The following LAMB4 variants were observed in gnomAD, a reference collection of about 807,000 sequenced individuals.
LAMB4 encodes laminin subunit beta-4.
Under a neutral mutation model 199.2 loss-of-function variants are expected in LAMB4, and 196 were observed. That is an observed-to-expected ratio of 0.98 (90% confidence interval 0.88 to 1.11). The LOEUF is 1.11. Among genes scored for constraint, LAMB4 ranks in the 50% least tolerant of loss-of-function variants. The probability of loss-of-function intolerance (pLI) is 0.00; values close to 1 mark genes in which losing one functional copy is unlikely to be tolerated. For missense variants in LAMB4, 2,080 were observed against 2,171.2 expected, an observed-to-expected ratio of 0.96 and a Z score of 0.83; for synonymous variants, 744 against 770.6, an observed-to-expected ratio of 0.97 and a Z score of 0.57.
downstream of LAMB4, among the ~76,000 whole-genome samples, chr7:108,023,315 T>C (rs934710248): frequency 2.0e-5 from 3 of 152,086 alleles, no homozygotes; most frequent in East Asian, 3.8e-4. Flanking sequence ...ATAGTTAGTA[T>C]GAAATCAGAC....
Position 108,026,374 on chromosome 7 carries a change from T to C in LAMB4, c.5147-2196A>G, listed in dbSNP as rs188770007. Among the ~76,000 whole-genome samples the C allele has an allele frequency of 3.3e-5, 5 of 152,312 alleles. No homozygotes were observed. The East Asian group carries it at 9.7e-4, about 29-fold the overall frequency. ...AACCTTTCATCCTCTCTTCTCACTC[T>C]TGTGGTGCCCTGAAACAACCAAGCT... On this transcript the variant is annotated intron_variant, in intron 33 of 33. Transcript: ENST00000388781.
At chr7:108,048,207 C>T in intron 27 of LAMB4, 96 bp from the exon 28 acceptor site, 1 of 1,028,914 alleles carries the variant, frequency 9.7e-7, no homozygotes, top group Non-Finnish European at 1.4e-6. Flanking sequence ...TCTTGTTGCC[C>T]AGGCTGGAGA....
At chr7:108,079,023 T>A (rs755957162) in intron 15 of LAMB4, among the ~76,000 whole-genome samples, 2 of 152,220 alleles carry the variant, frequency 1.3e-5, no homozygotes, top group Non-Finnish European at 2.9e-5. Context: ...TCAAAGGAGA[T>A]GTTCAGTGGG....
At chr7:108,052,382 G>A (rs930559630) in intron 25 of LAMB4, 125 bp from the exon 26 acceptor site, 34 of 645,638 alleles carry the variant, frequency 5.3e-5, no homozygotes, top group African/African-American at 4.4e-4. Flanking sequence ...CCTTCTACTC[G>A]AGTTTTTCAT....
rs755775078 is a variant in LAMB4, at chr7:108,098,484, C to CT, written c.1278dup (p.Glu427ArgfsTer32). The CT allele has an allele frequency of 2.5e-6, 4 of 1,607,678 alleles. No homozygotes were observed. The highest frequency in any genetic ancestry group is 3.4e-6 in the Non-Finnish European group (4 of 1,177,318). On this transcript the variant is annotated frameshift_variant, in exon 11 of 34. Transcript: ENST00000388781. LOFTEE classifies it high-confidence loss of function. ...TCGCATTTGGCTCCTTCCACGTTCT[C>CT]TTTACAAAGGCACTGGCCGGCCACA...
chr7:108,024,332 G>C (rs892280401), intron 33 of LAMB4, among the ~76,000 whole-genome samples, 154 bp from the exon 34 acceptor site: 1 of 152,034 alleles, frequency 6.6e-6, no homozygotes, highest in African/African-American at 2.4e-5. Context: ...TTTTCATCAG[G>C]CTTCTCAAGG....
chr7:108,028,437 AC>A (rs1360413151), intron 33 of LAMB4, among the ~76,000 whole-genome samples: 14 of 143,816 alleles, frequency 9.7e-5, no homozygotes, highest in African/African-American at 3.6e-4. Flanking sequence ...CAGACATCTC[AC>A]CCCCCGTTGA....
At chr7:108,032,560 G>A (rs2035076164) in intron 31 of LAMB4, among the ~76,000 whole-genome samples, 3 of 152,042 alleles carry the variant, frequency 2.0e-5, no homozygotes, top group African/African-American at 7.2e-5. Flanking sequence ...TGATACCAGG[G>A]TTTTGAGGGC....
intron 1 of LAMB4, among the ~76,000 whole-genome samples, chr7:108,127,124 A>C (rs2038817849): frequency 6.6e-6 from 1 of 151,346 alleles, no homozygotes; most frequent in South Asian, 2.1e-4. Context: ...TTCTAAGAGA[A>C]GGGCATAACC....
At chr7:108,019,263 C>T (rs1308659017), downstream of LAMB4, among the ~76,000 whole-genome samples, 2 of 152,040 alleles carry the variant, frequency 1.3e-5, no homozygotes, top group Non-Finnish European at 1.5e-5. Context: ...ACTTACCTTC[C>T]TCAGCCATTG....
At chr7:108,017,208 G>A in the LAMB4 span, among the ~76,000 whole-genome samples, 3 of 152,204 alleles carry the variant, frequency 2.0e-5, no homozygotes, top group African/African-American at 7.2e-5. Flanking sequence ...TTGTTAGGGA[G>A]GGGGAAGCCT....
At chr7:108,108,122 C>T (rs1479001948) in intron 5 of LAMB4, among the ~76,000 whole-genome samples, 22 of 151,926 alleles carry the variant, frequency 1.4e-4, no homozygotes. Context: ...TTTGTAGAGC[C>T]AGAGTTTTGC....
At chr7:108,035,884 G>A (rs1395401964) in intron 30 of LAMB4, among the ~76,000 whole-genome samples, 2 of 146,266 alleles carry the variant, frequency 1.4e-5, no homozygotes, top group Admixed American at 6.9e-5. Context: ...ATGGTGTCTC[G>A]CTCTTGTTGC....
In LAMB4 at chr7:108,078,281, G is replaced by C; in HGVS notation, c.1923C>G (p.Asn641Lys). 6.2e-7 allele frequency: 1 copy of C among 1,609,864 alleles called. No individual in the cohort carries two copies. Among genetic ancestry groups the C allele is most frequent in the Non-Finnish European group, 8.5e-7 (1 of 1,178,182 alleles). The change falls in exon 16 of 34, where the codon AAC (asparagine) becomes AAG (lysine). Residue 641 changes from asparagine (N) to lysine (K), a missense_variant. Coordinates refer to ENST00000388781, the MANE Select transcript of LAMB4 (RefSeq NM_007356.3). ...TGCAGTGCTCACTCCCTCCAGGGGG[G>C]TTCACCACAATCTGGACAGTCCAGT... ...AADWTVQIVVNPPGGSEHCIP... is the reference protein window; with the variant it reads ...AADWTVQIVVKPPGGSEHCIP...
At chr7:108,089,464 T>C (rs1053555461) in intron 14 of LAMB4, among the ~76,000 whole-genome samples, 2 of 152,214 alleles carry the variant, frequency 1.3e-5, no homozygotes, top group Admixed American at 6.5e-5. Flanking sequence ...GTCTCACTCA[T>C]GGCTTAGAAA....
chr7:108,094,993 C>T (rs886860754), intron 12 of LAMB4, among the ~76,000 whole-genome samples: 3 of 151,904 alleles, frequency 2.0e-5, no homozygotes, highest in African/African-American at 4.8e-5. Context: ...GTGCCTGGGT[C>T]GGTTTAGTCC....
At chr7:108,043,543 A>ATTTTTTTTTTTTTTTTTTTTT (rs1385299702) in intron 29 of LAMB4, among the ~76,000 whole-genome samples, 1 of 59,694 alleles carries the variant, frequency 1.7e-5, no homozygotes, top group Non-Finnish European at 2.7e-5. Context: ...ACTGGCTATG[A>ATTTTTTTTTTTTTTTTTTTTT]TGTTTTTTTT....
At chr7:108,012,383 G>A in the LAMB4 span, among the ~76,000 whole-genome samples, 1 of 152,116 alleles carries the variant, frequency 6.6e-6, no homozygotes, top group Non-Finnish European at 1.5e-5. Context: ...TGCCTTACCT[G>A]TATTTTTTTA....
At position 108,047,983 on chromosome 7, in the gene LAMB4, A is replaced by G; in HGVS notation, c.4251T>C (p.Asn1417=). The G allele has an allele frequency of 1.2e-6, 2 of 1,614,156 alleles. No homozygotes were observed. Among genetic ancestry groups the G allele is most frequent in the East Asian group, 2.2e-5 (1 of 44,878 alleles). ...GCHGSLTLST[N]ALQKAQEAKS... ...TTGCTTCCTGGGCTTTTTGGAGGGC[A>G]TTCGTTGAGAGGGTCAGGGAGCCGT... The change falls in exon 28 of 34, where the codon AAT becomes AAC. Residue 1417 remains asparagine (N), a synonymous_variant. Transcript: ENST00000388781.
Sources: allele counts gnomAD v4.1 joint callset (sites outside exome capture counted in the v4.1 genomes callset), GRCh38; gene constraint gnomAD v4.1.1; transcripts MANE v1.5; gene names NCBI Gene and HGNC (gene_info 2026-07-23, HGNC 2026-07-21).